Variants in SLC3A1 observed in about 807,000 individuals in gnomAD.
The protein encoded by SLC3A1 is amino acid transporter heavy chain SLC3A1.
In SLC3A1, 78 loss-of-function variants were observed where a neutral mutation model predicts 60.3. The observed-to-expected ratio is 1.29, with a 90% CI of 1.08 to 1.56. SLC3A1 has a LOEUF of 1.56. Among genes scored for constraint, SLC3A1 ranks in the 40% most tolerant of loss-of-function variants. The pLI, the probability that SLC3A1 is intolerant of heterozygous loss-of-function variation, is 0.00. For synonymous variants in SLC3A1, 392 were observed against 307.9 expected, an observed-to-expected ratio of 1.27 and a Z score of -2.86; for missense variants, 1,172 against 858.9, an observed-to-expected ratio of 1.36 and a Z score of -4.56.
intron 4 of SLC3A1, among the ~76,000 whole-genome samples, chr2:44,286,802 C>T (rs1361220595): frequency 1.3e-5 from 2 of 149,748 alleles, no homozygotes; most frequent in African/African-American, 2.5e-5. Flanking sequence ...GTGAGCTGTG[C>T]GGTGCCTGTG....
intron 6 of SLC3A1, chr2:44,301,330 G>A: frequency 2.9e-6 from 2 of 681,118 alleles, no homozygotes; most frequent in Non-Finnish European, 2.6e-6. Flanking sequence ...TTCCTCTTTT[G>A]TAAAATGATG....
At chr2:44,307,793 T>C (rs1672195055) in intron 7 of SLC3A1, among the ~76,000 whole-genome samples, 1 of 152,224 alleles carries the variant, frequency 6.6e-6, no homozygotes, top group African/African-American at 2.4e-5. Flanking sequence ...TGTCACTTTC[T>C]TGATAGTGTC....
Position 44,275,971 on chromosome 2 carries a change from T to A in SLC3A1, c.430+6T>A. The A allele has an allele frequency of 6.2e-7, 1 of 1,613,644 alleles. No homozygotes were observed. The highest frequency in any genetic ancestry group is 8.5e-7 in the Non-Finnish European group (1 of 1,179,502). ...TGGGAACGGAGATCTGAAAGGTACA[T>A]GCCCAGAGATCATTTAGGGTGGGTG... On this transcript the variant is annotated splice_donor_region_variant and intron_variant, in intron 1 of 9. Transcript: ENST00000260649.
intron 9 of SLC3A1, chr2:44,319,674 T>G (rs1167277822): frequency 6.5e-6 from 1 of 152,852 alleles, no homozygotes; most frequent in Non-Finnish European, 1.5e-5. Context: ...CTTTTTATTT[T>G]GCATCCTTTT....
intron 6 of SLC3A1, among the ~76,000 whole-genome samples, chr2:44,301,804 C>T (rs1027178047): frequency 4.6e-5 from 7 of 151,424 alleles, no homozygotes; most frequent in African/African-American, 1.7e-4. Flanking sequence ...TAGCTCATGC[C>T]TGTAATCCCA....
At chr2:44,321,793 G>T (rs1432087506), downstream of SLC3A1, 9 of 1,613,642 alleles carry the variant, frequency 5.6e-6, no homozygotes, top group East Asian at 2.2e-5. Flanking sequence ...TCTAGTTCGG[G>T]AATCTGTCCA....
chr2:44,278,543 T>G (rs1419370513), intron 1 of SLC3A1, among the ~76,000 whole-genome samples: 1 of 152,180 alleles, frequency 6.6e-6, no homozygotes, highest in Non-Finnish European at 1.5e-5. Flanking sequence ...CGAATGACTC[T>G]GTGCTTTGGA....
At chr2:44,298,455 T>C (rs967113171) in intron 4 of SLC3A1, among the ~76,000 whole-genome samples, 13 of 152,100 alleles carry the variant, frequency 8.5e-5, no homozygotes, top group Non-Finnish European at 1.9e-4. Context: ...CTTGGCTCAC[T>C]GCAACCTCCG....
chr2:44,278,533 C>G (rs1253169739), intron 1 of SLC3A1, among the ~76,000 whole-genome samples: 2 of 151,996 alleles, frequency 1.3e-5, no homozygotes, highest in Non-Finnish European at 1.5e-5. Context: ...TCCCAGGTGT[C>G]GAATGACTCT....
At chr2:44,310,129 A>C (rs1238084166) in intron 7 of SLC3A1, among the ~76,000 whole-genome samples, 1 of 152,128 alleles carries the variant, frequency 6.6e-6, no homozygotes, top group African/African-American at 2.4e-5. Flanking sequence ...CCTGAGCTCA[A>C]GTGATCTTCC....
At chr2:44,317,206 T>C (rs191213007) in intron 9 of SLC3A1, among the ~76,000 whole-genome samples, 2 of 152,308 alleles carry the variant, frequency 1.3e-5, no homozygotes, top group East Asian at 1.9e-4. Flanking sequence ...CTCACGCCTA[T>C]AATCCCAGCA....
At chr2:44,276,477 A>T (rs1374815577) in intron 1 of SLC3A1, among the ~76,000 whole-genome samples, 1 of 152,202 alleles carries the variant, frequency 6.6e-6, no homozygotes, top group Non-Finnish European at 1.5e-5. Flanking sequence ...ATTCTAAAAA[A>T]GGAAGGGAAG....
Position 44,303,245 on chromosome 2 carries a change from A to ATTTT in SLC3A1, c.1137-884_1137-881dup, listed in dbSNP as rs113167902. Among the ~76,000 whole-genome samples, 1,223 of 136,554 alleles carry ATTTT rather than the reference A, an allele frequency of 9.0e-3. 20 individuals are homozygous for ATTTT. The highest frequency in any genetic ancestry group is 0.029 in the African/African-American group (1,053 of 36,396). The allele number at this position is 136,554 out of a possible 152,430, so 89.6% of individuals were successfully genotyped here. ...AACAACCAATATAGACTGAGATCCA[A>ATTTT]TTTTTTTTTTTTTTTTTAAAGACAT... On this transcript the variant is annotated intron_variant, in intron 6 of 9. Coordinates refer to ENST00000260649, the MANE Select transcript of SLC3A1 (RefSeq NM_000341.4).
chr2:44,299,056 AAGAC>A (rs1430848948), intron 4 of SLC3A1, among the ~76,000 whole-genome samples: 4 of 147,924 alleles, frequency 2.7e-5, no homozygotes, highest in African/African-American at 1.0e-4. Context: ...TTTTTTTTAA[AAGAC>A]AGAGTTTTGC....
intron 6 of SLC3A1, chr2:44,303,754 C>T (rs374882756): frequency 9.3e-5 from 33 of 355,106 alleles, no homozygotes; most frequent in East Asian, 1.8e-4. Context: ...TGACAGGCCC[C>T]GGTGTGTGAT....
At position 44,312,663 on chromosome 2, in the gene SLC3A1, C is replaced by T; in HGVS notation, c.1410C>T (p.Phe470=). 3.1e-6 allele frequency: 5 copies of T among 1,613,774 alleles called. No individual in the cohort carries two copies. The highest frequency in any genetic ancestry group is 1.7e-6 in the Non-Finnish European group (2 of 1,179,672). ...QYVNVMNMLL[F]TLPGTPITYY... is the part of the protein sequence containing the mutation. ...TCAACGTGATGAACATGCTTCTTTT[C>T]ACACTCCCTGGAACTCCTATAACTT... Residue 470 remains phenylalanine, a synonymous_variant, in exon 8 of 10, where the codon TTC becomes TTT. Transcript: ENST00000260649.
chr2:44,305,303 C>G (rs953148976), intron 7 of SLC3A1, among the ~76,000 whole-genome samples: 10 of 152,108 alleles, frequency 6.6e-5, no homozygotes, highest in Admixed American at 3.9e-4. Flanking sequence ...ATATTAGGCT[C>G]CTTCGTAAGA....
chr2:44,312,195 A>G (rs770560427), intron 7 of SLC3A1, among the ~76,000 whole-genome samples: 1 of 152,142 alleles, frequency 6.6e-6, no homozygotes, highest in Non-Finnish European at 1.5e-5. Context: ...AGTCAAAACA[A>G]TTTTTTAAAA....
intron 7 of SLC3A1, among the ~76,000 whole-genome samples, chr2:44,306,786 A>C (rs1672169557): frequency 6.6e-6 from 1 of 151,912 alleles, no homozygotes; most frequent in African/African-American, 2.4e-5. Flanking sequence ...CGAACTCCTG[A>C]CCTCAGGTGA....
Sources: gnomAD v4.1 joint callset for allele counts (sites outside exome capture counted in the v4.1 genomes callset) on GRCh38, gnomAD v4.1.1 for gene constraint, MANE v1.5 for transcripts, NCBI Gene and HGNC (gene_info 2026-07-23, HGNC 2026-07-21) for gene names.